The following EFNA5 variants were observed in gnomAD, a reference collection of about 807,000 sequenced individuals.
EFNA5 encodes the protein ephrin-A5.
In EFNA5, 5 loss-of-function variants were observed where a neutral mutation model predicts 22.9. That is an observed-to-expected ratio of 0.22 (90% CI 0.11 to 0.46). The LOEUF is 0.46. Ranked by LOEUF, EFNA5 falls within the 20% of genes least tolerant of loss-of-function variation. The pLI is 0.99. For synonymous variants in EFNA5, 113 were observed against 112.2 expected, an observed-to-expected ratio of 1.01 and a Z score of -0.04; for missense variants, 237 against 293.3, an observed-to-expected ratio of 0.81 and a Z score of 1.40.
At chr5:107,500,396 C>T (rs1747105568) in intron 1 of EFNA5, among the ~76,000 whole-genome samples, 1 of 152,198 alleles carries the variant, frequency 6.6e-6, no homozygotes, top group Non-Finnish European at 1.5e-5. Flanking sequence ...ACTGCAAAGT[C>T]TTTCTTGTTC....
intron 1 of EFNA5, among the ~76,000 whole-genome samples, chr5:107,591,951 A>AATATATAATATATATAATATATATATT (rs1749356432): frequency 8.1e-5 from 1 of 12,392 alleles, no homozygotes; most frequent in Non-Finnish European, 1.1e-4. Context: ...TATTATATAT[A>AATATATAATATATATAATATATATATT]ATATATAATA....
chr5:107,457,800 A>G (rs1036974389), intron 1 of EFNA5, among the ~76,000 whole-genome samples: 1 of 152,220 alleles, frequency 6.6e-6, no homozygotes, highest in African/African-American at 2.4e-5. Flanking sequence ...CTACTAATTT[A>G]AAACAAAACA....
Position 107,517,303 on chromosome 5 carries a change from A to G in EFNA5, c.126-89794T>C, listed in dbSNP as rs115698653. Among the ~76,000 whole-genome samples, 1,395 of 152,304 alleles carry G rather than the reference A, an allele frequency of 9.2e-3. 5 individuals carry two copies. The highest frequency in any genetic ancestry group is 0.017 in the Non-Finnish European group (1,156 of 68,026). On this transcript the variant is annotated intron_variant, in intron 1 of 4. Coordinates refer to ENST00000333274, the MANE Select transcript of EFNA5 (RefSeq NM_001962.3). ...GGTTTCTGTTCTTTTCTCCACTCCT[A>G]TACAATCATGGTGACTCAGGAGAGG... is the stretch of plus-strand genomic sequence containing the variant.
At chr5:107,577,309 G>A (rs2112491701) in intron 1 of EFNA5, among the ~76,000 whole-genome samples, 1 of 152,170 alleles carries the variant, frequency 6.6e-6, no homozygotes, top group East Asian at 1.9e-4. Flanking sequence ...ATTCCCAGAT[G>A]AAGTCAGTTT....
Position 107,599,847 on chromosome 5 carries a change from T to TC in EFNA5, c.125+70641dup, listed in dbSNP as rs536526417. On this transcript the variant is annotated intron_variant, in intron 1 of 4. Transcript: ENST00000333274. ...TTGCTCTCATTTTCAGAAATGCATC[T>TC]CCGAGGCTGTGCCTTGCAGACACAC... Among the ~76,000 whole-genome samples the TC allele has an allele frequency of 2.2e-4, 33 of 152,316 alleles. No homozygotes were observed. The South Asian group carries it at 6.6e-3, about 31-fold the overall frequency.
chr5:107,519,751 G>A (rs931690554), intron 1 of EFNA5, among the ~76,000 whole-genome samples: 2 of 152,200 alleles, frequency 1.3e-5, no homozygotes, highest in Non-Finnish European at 1.5e-5. Flanking sequence ...GTGCTTAAGT[G>A]AATTTATTTG....
At chr5:107,385,545 T>C (rs1747592024) in intron 4 of EFNA5, among the ~76,000 whole-genome samples, 1 of 152,178 alleles carries the variant, frequency 6.6e-6, no homozygotes, top group Non-Finnish European at 1.5e-5. Context: ...TGAACATACC[T>C]CTAATAATGG....
At chr5:107,557,139 TCC>T (rs1748438223) in intron 1 of EFNA5, among the ~76,000 whole-genome samples, 2 of 152,170 alleles carry the variant, frequency 1.3e-5, no homozygotes, top group Non-Finnish European at 2.9e-5. Flanking sequence ...TCATTATATG[TCC>T]CTTTTGAACT....
At chr5:107,629,795 G>A (rs1356138688) in intron 1 of EFNA5, among the ~76,000 whole-genome samples, 1 of 152,178 alleles carries the variant, frequency 6.6e-6, no homozygotes, top group Non-Finnish European at 1.5e-5. Flanking sequence ...GGTGGCTCAT[G>A]CCTGTAATCC....
chr5:107,665,516 A>T (rs1423823881), intron 1 of EFNA5, among the ~76,000 whole-genome samples: 1 of 152,216 alleles, frequency 6.6e-6, no homozygotes, highest in Non-Finnish European at 1.5e-5. Flanking sequence ...TACCACTAAA[A>T]TCACCTAACA....
chr5:107,398,756 G>A (rs1456586664), intron 2 of EFNA5, among the ~76,000 whole-genome samples: 2 of 150,840 alleles, frequency 1.3e-5, no homozygotes, highest in Non-Finnish European at 2.9e-5. Flanking sequence ...TTGGGAGGCT[G>A]AGGCAGGAGA....
chr5:107,482,848 CTCTCTCTCTCTCTCTCTCTCTCTA>C (rs1750516338), intron 1 of EFNA5, among the ~76,000 whole-genome samples: 2 of 71,370 alleles, frequency 2.8e-5, no homozygotes, highest in African/African-American at 1.2e-4. Flanking sequence ...CTCTCTCTCT[CTCTCTCTCTCTCTCTCTCTCTCTA>C]TATATATATA....
chr5:107,575,172 A>T, intron 1 of EFNA5, among the ~76,000 whole-genome samples: 1 of 152,260 alleles, frequency 6.6e-6, no homozygotes, highest in Non-Finnish European at 1.5e-5. Flanking sequence ...AATCAAAGAG[A>T]TCCAAGAGGT....
chr5:107,521,075 A>C (rs1329029075), intron 1 of EFNA5, among the ~76,000 whole-genome samples: 2 of 152,162 alleles, frequency 1.3e-5, no homozygotes, highest in African/African-American at 4.8e-5. Context: ...CCTTTGACTT[A>C]TGATTGGCTT....
In EFNA5 at chr5:107,552,688, C is replaced by G. The variant is rs578250771; in HGVS notation, c.125+117801G>C. ...ATTGGCTTCATCTCATCAGGGAGCT[C>G]TGTATATTCATGGAGCTCTCCATTT... is the stretch of plus-strand genomic sequence containing the variant. On this transcript the variant is annotated intron_variant, in intron 1 of 4. Transcript: ENST00000333274. 4.6e-5 allele frequency among the ~76,000 whole-genome samples: 7 copies of G among 152,260 alleles called. 1 individual carries two copies. The South Asian group carries it at 1.5e-3, about 32-fold the overall frequency.
intron 1 of EFNA5, among the ~76,000 whole-genome samples, chr5:107,642,264 T>C (rs919159966): frequency 6.6e-6 from 1 of 152,148 alleles, no homozygotes; most frequent in South Asian, 2.1e-4. Flanking sequence ...AGAGATCTAT[T>C]GTGCATTATA....
intron 2 of EFNA5, among the ~76,000 whole-genome samples, chr5:107,406,415 C>G (rs1216231798): frequency 1.3e-5 from 2 of 151,946 alleles, no homozygotes; most frequent in Admixed American, 6.6e-5. Flanking sequence ...ATCTCTGCAG[C>G]CTCTGGATGT....
intron 1 of EFNA5, among the ~76,000 whole-genome samples, chr5:107,446,202 T>C (rs559106128): frequency 1.1e-3 from 163 of 152,220 alleles, no homozygotes; most frequent in Non-Finnish European, 2.0e-3. Context: ...AAAAGTACAG[T>C]GCTTTGTACA....
chr5:107,660,894 C>G (rs1750941470), intron 1 of EFNA5, among the ~76,000 whole-genome samples: 1 of 152,006 alleles, frequency 6.6e-6, no homozygotes, highest in South Asian at 2.1e-4. Context: ...AGTGCTGGGT[C>G]ACTAAATTTT....
Sources: gnomAD v4.1 joint callset for allele counts (sites outside exome capture counted in the v4.1 genomes callset) on GRCh38, gnomAD v4.1.1 for gene constraint, MANE v1.5 for transcripts, NCBI Gene and HGNC (gene_info 2026-07-23, HGNC 2026-07-21) for gene names.